ACOX3: variants seen among roughly 807,000 people sequenced by gnomAD.
ACOX3 encodes the protein acyl-CoA oxidase 3, pristanoyl, also known as peroxisomal acyl-coenzyme A oxidase 3.
A neutral mutation model predicts 81.5 loss-of-function variants in ACOX3; 73 were observed. That is an observed-to-expected ratio of 0.90 (90% CI 0.74 to 1.09). ACOX3 has a LOEUF of 1.09. Among genes scored for constraint, ACOX3 ranks in the 50% least tolerant of loss-of-function variants. ACOX3 has a pLI of 0.00. For synonymous variants in ACOX3, 387 were observed against 375.1 expected, an observed-to-expected ratio of 1.03 and a Z score of -0.37; for missense variants, 947 against 928.0, an observed-to-expected ratio of 1.02 and a Z score of -0.27.
chr4:8,440,287 C>A (rs1724536592), intron 1 of ACOX3, among the ~76,000 whole-genome samples: 1 of 152,208 alleles, frequency 6.6e-6, no homozygotes, highest in Non-Finnish European at 1.5e-5. Context: ...TTCTTTAATC[C>A]GGTGTCTGAG....
At position 8,416,271 on chromosome 4, in the gene ACOX3, G is replaced by A; in HGVS notation, c.144+107C>T. 3 of 1,579,032 alleles carry A rather than the reference G, an allele frequency of 1.9e-6. No homozygotes were observed. Among genetic ancestry groups the A allele is most frequent in the Non-Finnish European group, 2.6e-6 (3 of 1,152,578 alleles). On this transcript the variant is annotated intron_variant, in intron 2 of 17. Coordinates refer to ENST00000356406, the MANE Select transcript of ACOX3 (RefSeq NM_003501.3). This position sits in a 1 kb window ranked among gnomAD's most constrained non-coding sequence, Gnocchi z 4.2. ...AGAGAGGCCGCGCTGCCTGGGATGA[G>A]CCTCGCCCGGCAGAGGAGGAGCTGT...
Position 8,423,878 on chromosome 4 carries a change from G to A in ACOX3, c.-14-7343C>T, listed in dbSNP as rs1456297581. On this transcript the variant is annotated intron_variant, in intron 1 of 17. Coordinates refer to ENST00000356406, the MANE Select transcript of ACOX3 (RefSeq NM_003501.3). This position sits in a 1 kb window ranked among gnomAD's most constrained non-coding sequence, Gnocchi z 4.2. ...CATCTATTTGGCCAGGCATTAGCCC[G>A]AGACTTGAGCCAGTTCTCATACTTG... Among the ~76,000 whole-genome samples, 4 of 152,196 alleles carry A rather than the reference G, an allele frequency of 2.6e-5. No individual in the cohort carries two copies. The highest frequency in any genetic ancestry group is 1.9e-4 in the East Asian group (1 of 5,198).
chr4:8,431,670 G>C lies in ACOX3; in HGVS notation c.-15+8978C>G, dbSNP rs1451276802. Reference sequence around the variant, plus strand: ...ACCAGGAGCTGCACGTGGACCCCTAGTGTGAACAGTAGGGGTGGGGTGAGT... The same window carrying C: ...ACCAGGAGCTGCACGTGGACCCCTACTGTGAACAGTAGGGGTGGGGTGAGT... On this transcript the variant is annotated intron_variant, in intron 1 of 17. Transcript: ENST00000356406. This position sits in a 1 kb window ranked among gnomAD's most constrained non-coding sequence, Gnocchi z 5.3. Among the ~76,000 whole-genome samples, 1 of 152,238 alleles carries C rather than the reference G, an allele frequency of 6.6e-6. No individual in the cohort carries two copies. Among genetic ancestry groups the C allele is most frequent in the Admixed American group, 6.5e-5 (1 of 15,282 alleles).
intron 14 of ACOX3, among the ~76,000 whole-genome samples, chr4:8,379,981 A>C (rs1400119757): frequency 6.6e-6 from 1 of 151,906 alleles, no homozygotes; most frequent in Non-Finnish European, 1.5e-5. Flanking sequence ...TGTGGCCTGC[A>C]GAGGAGGGAG....
At position 8,432,285 on chromosome 4, in the gene ACOX3, G is replaced by C. The variant is rs1723998594; in HGVS notation, c.-15+8363C>G. Among the ~76,000 whole-genome samples the C allele has an allele frequency of 6.6e-6, 1 of 152,130 alleles. No individual in the cohort carries two copies. On this transcript the variant is annotated intron_variant, in intron 1 of 17. Transcript: ENST00000356406. The surrounding 1 kb of genome is among the most constrained non-coding windows in gnomAD (Gnocchi z 6.2). ...GTCTCGCTCTGTTGCCCAGACTGGA[G>C]TGCAGTGGTGCCATCTCGGCTCACT...
intron 11 of ACOX3, among the ~76,000 whole-genome samples, chr4:8,390,233 C>T (rs1410612321): frequency 6.6e-6 from 1 of 152,026 alleles, no homozygotes; most frequent in South Asian, 2.1e-4. Context: ...TCCCAGCTAC[C>T]CAGGAGGCTG....
intron 14 of ACOX3, among the ~76,000 whole-genome samples, chr4:8,378,047 G>A (rs1054287561): frequency 2.6e-5 from 4 of 152,230 alleles, no homozygotes; most frequent in African/African-American, 9.6e-5. Flanking sequence ...AGCTAGGACT[G>A]TGACAGGCAC....
chr4:8,379,936 C>T (rs1253674292), intron 14 of ACOX3, among the ~76,000 whole-genome samples: 1 of 151,904 alleles, frequency 6.6e-6, no homozygotes, highest in Non-Finnish European at 1.5e-5. Flanking sequence ...CAGACATGAG[C>T]CAGTGCAGCA....
chr4:8,374,882 T>C, intron 15 of ACOX3, 96 bp downstream of exon 15: 1 of 1,341,706 alleles, frequency 7.5e-7, no homozygotes, highest in Non-Finnish European at 9.9e-7. Flanking sequence ...GTGAGTCCCG[T>C]GGAAGGAGGA....
In ACOX3 at chr4:8,381,656, C is replaced by A; in HGVS notation, c.1538-49G>T. ...GAAAAAGTAACAATAGAGAACACAG[C>A]ATTTGTCACAACTCACCCCCAGGGA... On this transcript the variant is annotated intron_variant, in intron 13 of 17. Coordinates refer to ENST00000356406, the MANE Select transcript of ACOX3 (RefSeq NM_003501.3). This position sits in a 1 kb window ranked among gnomAD's most constrained non-coding sequence, Gnocchi z 4.3. The A allele has an allele frequency of 7.0e-7, 1 of 1,419,592 alleles. No individual in the cohort carries two copies. The highest frequency in any genetic ancestry group is 1.7e-5 in the Admixed American group (1 of 58,154). 87.9% of individuals were successfully genotyped at this position (1,419,592 alleles called of 1,614,324 possible). A position where few individuals can be genotyped will look rare whatever the true frequency, so the allele number is the denominator to read the frequency against.
intron 1 of ACOX3, among the ~76,000 whole-genome samples, chr4:8,428,154 G>T (rs1442975431): frequency 6.6e-6 from 1 of 152,246 alleles, no homozygotes; most frequent in South Asian, 2.1e-4. Flanking sequence ...TGCCCAGCAC[G>T]TGGGCCACCG....
chr4:8,402,720 G>T (rs1356166625), intron 7 of ACOX3, among the ~76,000 whole-genome samples: 1 of 152,228 alleles, frequency 6.6e-6, no homozygotes, highest in African/African-American at 2.4e-5. Context: ...ACGTGTGCGT[G>T]TGTCACAGGT....
intron 16 of ACOX3, 113 bp downstream of exon 16, chr4:8,373,448 C>T: frequency 8.9e-7 from 1 of 1,124,548 alleles, no homozygotes; most frequent in Non-Finnish European, 1.3e-6. Flanking sequence ...GCGTGTCAGT[C>T]TGGGTGATAC....
At chr4:8,401,464 C>T (rs753710177) in intron 7 of ACOX3, among the ~76,000 whole-genome samples, 1 of 152,138 alleles carries the variant, frequency 6.6e-6, no homozygotes. Flanking sequence ...TGTGCTGGCC[C>T]GATTCACTTT....
intron 1 of ACOX3, among the ~76,000 whole-genome samples, chr4:8,439,545 T>C (rs549405015): frequency 6.6e-6 from 1 of 152,332 alleles, no homozygotes; most frequent in South Asian, 2.1e-4. Context: ...ATTTGGCTCT[T>C]AAAAACTCCT....
chr4:8,412,335 T>C (rs995973262), intron 5 of ACOX3, among the ~76,000 whole-genome samples: 1 of 152,128 alleles, frequency 6.6e-6, no homozygotes, highest in Non-Finnish European at 1.5e-5. Flanking sequence ...TCCGCTTGAG[T>C]TCATTCCTGG....
Position 8,381,421 on chromosome 4 carries a change from T to A in ACOX3, c.1653+71A>T. The A allele has an allele frequency of 2.8e-6, 4 of 1,433,726 alleles. No homozygotes were observed. Among genetic ancestry groups the A allele is most frequent in the Non-Finnish European group, 3.9e-6 (4 of 1,031,876 alleles). 88.8% of individuals were successfully genotyped at this position (1,433,726 alleles called of 1,614,324 possible). A position where few individuals can be genotyped will look rare whatever the true frequency, so the allele number is the denominator to read the frequency against. On this transcript the variant is annotated intron_variant, in intron 14 of 17. Coordinates refer to ENST00000356406, the MANE Select transcript of ACOX3 (RefSeq NM_003501.3). This position sits in a 1 kb window ranked among gnomAD's most constrained non-coding sequence, Gnocchi z 4.3. ...GCCTGAATTGCCAGGATGTTCAAAC[T>A]CCCAGGGACACAACGGCCAGGGAAT...
chr4:8,372,140 C>G (rs938734485), intron 16 of ACOX3, among the ~76,000 whole-genome samples: 2 of 152,190 alleles, frequency 1.3e-5, no homozygotes, highest in African/African-American at 4.8e-5. Context: ...CTCTGTTGTC[C>G]AGGCTGGAGT....
chr4:8,421,424 G>C (rs149061882), intron 1 of ACOX3, among the ~76,000 whole-genome samples: 282 of 152,340 alleles, frequency 1.9e-3, no homozygotes, highest in African/African-American at 6.7e-3. Flanking sequence ...GAAAGCTGTC[G>C]TCCCAAATTC....
Sources: allele counts gnomAD v4.1 joint callset (sites outside exome capture counted in the v4.1 genomes callset), GRCh38; gene constraint gnomAD v4.1.1; non-coding constraint Gnocchi (gnomAD v3.1); transcripts MANE v1.5; gene names NCBI Gene and HGNC (gene_info 2026-07-23, HGNC 2026-07-21).